Variants in EFCAB6 observed in about 807,000 individuals in gnomAD.
EFCAB6 encodes EF-hand calcium binding domain 6, also known as EF-hand calcium-binding domain-containing protein 6.
Under a neutral mutation model 169.8 loss-of-function variants are expected in EFCAB6, and 156 were observed. The ratio of observed to expected loss-of-function variants is 0.92; its 90% CI spans 0.81 to 1.05. The LOEUF is 1.05. Ranked by LOEUF, EFCAB6 falls within the 50% of genes least tolerant of loss-of-function variation. The probability of loss-of-function intolerance (pLI) is 0.00; values close to 1 mark genes in which losing one functional copy is unlikely to be tolerated. For missense variants in EFCAB6, 1,800 were observed against 1,829.1 expected (o/e 0.98, Z 0.29); for synonymous variants, 698 against 676.4 (o/e 1.03, Z -0.50).
intron 23 of EFCAB6, among the ~76,000 whole-genome samples, chr22:43,592,116 T>C (rs996327855): frequency 3.9e-5 from 6 of 152,188 alleles, no homozygotes; most frequent in Non-Finnish European, 7.4e-5. Flanking sequence ...AAATAATCCA[T>C]AGGAAAAGAA....
At chr22:43,575,358 G>GTTTTTTT (rs34543550) in intron 26 of EFCAB6, among the ~76,000 whole-genome samples, 5 of 104,840 alleles carry the variant, frequency 4.8e-5, no homozygotes, top group Non-Finnish European at 5.5e-5. Context: ...ATCCGGCTAT[G>GTTTTTTT]TTTTTTTTTT....
rs770136609 is a variant in EFCAB6, at chr22:43,711,487, T to C, written c.1019A>G (p.Gln340Arg). 5 of 1,580,560 alleles carry C rather than the reference T, an allele frequency of 3.2e-6. No individual in the cohort carries two copies. The highest frequency in any genetic ancestry group is 2.8e-5 in the African/African-American group (2 of 72,592). Reference sequence around the variant, plus strand: ...ATGAGACTCTTACCTTTTCATTAACTGGATAAAAATTCTTCTTGGTATTTG... The same window carrying C: ...ATGAGACTCTTACCTTTTCATTAACCGGATAAAAATTCTTCTTGGTATTTG... The part of the protein sequence containing the change: ...VYQIPRRIFI[Q>R]LMKRFGLKAT... The change falls in exon 10 of 32, where the codon CAG becomes CGG. Residue 340 changes from glutamine (Q) to arginine (R), a missense_variant. Coordinates refer to ENST00000262726, the MANE Select transcript of EFCAB6 (RefSeq NM_022785.4).
Position 43,795,624 on chromosome 22 carries a change from C to T in EFCAB6, c.-7-13299G>A, listed in dbSNP as rs1279243592. On this transcript the variant is annotated intron_variant, in intron 2 of 31. Transcript: ENST00000262726. The surrounding 1 kb of genome is among the most constrained non-coding windows in gnomAD (Gnocchi z 4.2). ...TCACACAGCCTGCACTTCTCCGGCA[C>T]TGTACATACCCCAACTTCGCATTAC... Among the ~76,000 whole-genome samples, 3 of 152,170 alleles carry T rather than the reference C, an allele frequency of 2.0e-5. No individual in the cohort carries two copies. Among genetic ancestry groups the T allele is most frequent in the African/African-American group, 2.4e-5 (1 of 41,434 alleles).
chr22:43,782,374 C>T (rs1227360933), intron 2 of EFCAB6, 49 bp from the exon 3 acceptor site: 2 of 1,525,192 alleles, frequency 1.3e-6, no homozygotes, highest in East Asian at 4.5e-5. Flanking sequence ...AGCATACATT[C>T]CAAATGTGGC....
At chr22:43,607,628 A>G (rs1051180808) in intron 22 of EFCAB6, among the ~76,000 whole-genome samples, 3 of 152,220 alleles carry the variant, frequency 2.0e-5, no homozygotes, top group Non-Finnish European at 2.9e-5. Context: ...TAAATTAGAC[A>G]CAAAACAACC....
rs1329348372 is a variant in EFCAB6, at chr22:43,683,760, A to G, written c.1238T>C (p.Leu413Pro). 2 of 1,609,486 alleles carry G rather than the reference A, an allele frequency of 1.2e-6. No individual in the cohort carries two copies. The highest frequency in any genetic ancestry group is 1.7e-6 in the Non-Finnish European group (2 of 1,175,878). The change falls in exon 12 of 32, where the codon CTG becomes CCG. Residue 413 changes from leucine (L) to proline (P), a missense_variant. Physicochemically the swap from Leu to Pro is moderately conservative, Grantham distance 98. Transcript: ENST00000262726. ...TCAAAATCTTACAGTGTTGATTATC[A>G]GTAATGCTTTCTTCAGTGACGCAGA... ...DHSASLKKAL[L>P]IINTKPDGPI...
chr22:43,602,825 C>T (rs1049142058), intron 22 of EFCAB6, among the ~76,000 whole-genome samples: 15 of 151,974 alleles, frequency 9.9e-5, no homozygotes, highest in African/African-American at 1.7e-4. Flanking sequence ...GAGGACCCGA[C>T]GGGTTAGTGC....
chr22:43,745,681 A>T (rs564607362), intron 6 of EFCAB6, among the ~76,000 whole-genome samples: 1 of 152,364 alleles, frequency 6.6e-6, no homozygotes, highest in Admixed American at 6.5e-5. Flanking sequence ...AGAAGTACAG[A>T]TTTGAAATGA....
chr22:43,580,276 C>T (rs1018888000), intron 25 of EFCAB6, among the ~76,000 whole-genome samples, 188 bp downstream of exon 25: 4 of 152,120 alleles, frequency 2.6e-5, no homozygotes, highest in African/African-American at 7.2e-5. Flanking sequence ...TGAGCACTCC[C>T]ACCTCAGAGA....
chr22:43,780,211 G>A (rs2061770750), intron 3 of EFCAB6, among the ~76,000 whole-genome samples: 1 of 152,068 alleles, frequency 6.6e-6, no homozygotes, highest in African/African-American at 2.4e-5. Flanking sequence ...AACAGGCTGG[G>A]TGCGCTGGCT....
chr22:43,550,479 C>G (rs1234973122), intron 27 of EFCAB6, among the ~76,000 whole-genome samples: 2 of 152,222 alleles, frequency 1.3e-5, no homozygotes, highest in South Asian at 4.1e-4. Flanking sequence ...CAAGACCAGC[C>G]TAACCAATAT....
intron 6 of EFCAB6, among the ~76,000 whole-genome samples, chr22:43,753,016 TTACA>T (rs1328194503): frequency 2.6e-5 from 4 of 152,168 alleles, no homozygotes; most frequent in Non-Finnish European, 4.4e-5. Context: ...GGGGCTTTGC[TTACA>T]TTCATTCTTG....
chr22:43,751,047 A>G (rs1227199023), intron 6 of EFCAB6, among the ~76,000 whole-genome samples: 1 of 152,198 alleles, frequency 6.6e-6, no homozygotes, highest in Non-Finnish European at 1.5e-5. Flanking sequence ...CTGAACCTTC[A>G]AGCATTTTTT....
At chr22:43,612,675 T>G (rs1281896346) in intron 21 of EFCAB6, among the ~76,000 whole-genome samples, 4 of 152,096 alleles carry the variant, frequency 2.6e-5, no homozygotes, top group African/African-American at 4.8e-5. Flanking sequence ...GTGGATCCCC[T>G]GAGGTCAGGA....
chr22:43,712,020 ATATTT>A (rs1461205311), intron 9 of EFCAB6, among the ~76,000 whole-genome samples: 1 of 152,244 alleles, frequency 6.6e-6, no homozygotes, highest in Admixed American at 6.5e-5. Flanking sequence ...AAAGCTGGTA[ATATTT>A]TATTAAAAAT....
chr22:43,541,753 C>G (rs1005426210), intron 27 of EFCAB6, among the ~76,000 whole-genome samples: 5 of 152,202 alleles, frequency 3.3e-5, no homozygotes, highest in Non-Finnish European at 5.9e-5. Flanking sequence ...AGATGGCCCC[C>G]CTGACACCTT....
chr22:43,758,390 G>A (rs1170050801), intron 5 of EFCAB6, among the ~76,000 whole-genome samples: 1 of 151,820 alleles, frequency 6.6e-6, no homozygotes, highest in Non-Finnish European at 1.5e-5. Flanking sequence ...CCAAATGTTG[G>A]GAATTAAATA....
chr22:43,646,333 G>A, intron 17 of EFCAB6, among the ~76,000 whole-genome samples: 1 of 152,128 alleles, frequency 6.6e-6, no homozygotes, highest in East Asian at 1.9e-4. Context: ...TAAATGTAAT[G>A]TAAGTCCAGT....
chr22:43,704,826 G>T (rs940607223), intron 10 of EFCAB6, among the ~76,000 whole-genome samples: 1 of 149,212 alleles, frequency 6.7e-6, no homozygotes, highest in African/African-American at 2.4e-5. Context: ...GATACCAAGA[G>T]AGGAAGAAAG....
Sources: allele counts gnomAD v4.1 joint callset (sites outside exome capture counted in the v4.1 genomes callset), GRCh38; gene constraint gnomAD v4.1.1; non-coding constraint Gnocchi (gnomAD v3.1); transcripts MANE v1.5; gene names NCBI Gene and HGNC (gene_info 2026-07-23, HGNC 2026-07-21).